Variants in SAMD3 observed in about 807,000 individuals in gnomAD.
The protein encoded by SAMD3 is sterile alpha motif domain containing 3, also known as sterile alpha motif domain-containing protein 3.
In SAMD3, 63 loss-of-function variants were observed where a neutral mutation model predicts 58.5. The observed-to-expected ratio is 1.08, with a 90% CI of 0.88 to 1.33. The LOEUF is 1.33. SAMD3 is among the 40% of genes most tolerant of loss of function. The pLI is 0.00. For synonymous variants in SAMD3, 220 were observed against 210.3 expected (o/e 1.05, Z -0.40); for missense variants, 604 against 608.4 (o/e 0.99, Z 0.08).
intron 2 of SAMD3, among the ~76,000 whole-genome samples, chr6:130,228,485 T>A (rs771733521): frequency 6.6e-6 from 1 of 152,150 alleles, no homozygotes; most frequent in Admixed American, 6.5e-5. Flanking sequence ...TGCAAGTTAA[T>A]CTCCAGGGGA....
chr6:130,272,746 G>T (rs1228222827), intron 2 of SAMD3, among the ~76,000 whole-genome samples: 1 of 152,100 alleles, frequency 6.6e-6, no homozygotes, highest in East Asian at 1.9e-4. Context: ...GTCTTGCTAT[G>T]TTGCCCAGGC....
intron 5 of SAMD3, among the ~76,000 whole-genome samples, chr6:130,198,250 C>T (rs1394640120): frequency 6.6e-6 from 1 of 152,166 alleles, no homozygotes; most frequent in African/African-American, 2.4e-5. Flanking sequence ...GTTATCCAGG[C>T]AGGAGTGAAG....
chr6:130,343,913 C>T (rs533465059), intron 1 of SAMD3, among the ~76,000 whole-genome samples: 26 of 151,904 alleles, frequency 1.7e-4, no homozygotes, highest in African/African-American at 4.6e-4. Context: ...TACAGTGAAC[C>T]GAGGTCGCAC....
chr6:130,256,085 T>C (rs769218644), intron 2 of SAMD3, among the ~76,000 whole-genome samples: 1 of 150,566 alleles, frequency 6.6e-6, no homozygotes, highest in African/African-American at 2.5e-5. Flanking sequence ...ATTTTTGTTT[T>C]GTTTATCTAG....
intron 2 of SAMD3, among the ~76,000 whole-genome samples, chr6:130,307,347 C>T (rs1775942669): frequency 6.6e-6 from 1 of 152,170 alleles, no homozygotes. Flanking sequence ...TTTTATTTTG[C>T]ATGGGTCTCT....
chr6:130,214,159 C>T (rs573247363), intron 4 of SAMD3, among the ~76,000 whole-genome samples, 178 bp downstream of exon 4: 4 of 152,192 alleles, frequency 2.6e-5, no homozygotes, highest in Admixed American at 6.5e-5. Context: ...TGAATAAAAA[C>T]GTTTCTTGAT....
At chr6:130,313,400 T>C (rs1432976753) in intron 1 of SAMD3, among the ~76,000 whole-genome samples, 1 of 152,160 alleles carries the variant, frequency 6.6e-6, no homozygotes, top group Non-Finnish European at 1.5e-5. Flanking sequence ...GAAACAAACA[T>C]GTTTTGAGAC....
At chr6:130,168,092 T>G (rs1322957990) in intron 8 of SAMD3, among the ~76,000 whole-genome samples, 2 of 152,078 alleles carry the variant, frequency 1.3e-5, no homozygotes, top group Non-Finnish European at 2.9e-5. Flanking sequence ...CCTGCAGAAG[T>G]TCTGCAGCTG....
At chr6:130,341,428 T>C (rs1033644458) in intron 1 of SAMD3, among the ~76,000 whole-genome samples, 19 of 152,232 alleles carry the variant, frequency 1.2e-4, no homozygotes, top group African/African-American at 4.1e-4. Flanking sequence ...AGCAGATTCG[T>C]TGAGTAAGAA....
At chr6:130,283,178 G>C (rs539628314) in intron 2 of SAMD3, among the ~76,000 whole-genome samples, 13 of 152,290 alleles carry the variant, frequency 8.5e-5, no homozygotes, top group African/African-American at 2.9e-4. Flanking sequence ...TGCAAACAGA[G>C]TTGGAATGAA....
intron 1 of SAMD3, among the ~76,000 whole-genome samples, chr6:130,347,782 C>T (rs1431836762): frequency 6.6e-6 from 1 of 152,110 alleles, no homozygotes; most frequent in Non-Finnish European, 1.5e-5. Context: ...TTGTCAGATT[C>T]ACCAAAGTTG....
intron 7 of SAMD3, among the ~76,000 whole-genome samples, chr6:130,181,250 A>G (rs539187011): frequency 1.3e-5 from 2 of 152,206 alleles, no homozygotes; most frequent in East Asian, 1.9e-4. Flanking sequence ...CCCGGCCCCA[A>G]ATTTTTCAAA....
At chr6:130,294,039 G>A (rs1775473426) in intron 2 of SAMD3, among the ~76,000 whole-genome samples, 1 of 152,178 alleles carries the variant, frequency 6.6e-6, no homozygotes, top group Non-Finnish European at 1.5e-5. Flanking sequence ...CCTCTCCTCT[G>A]TAAAGGACAG....
chr6:130,348,334 T>A (rs1275208234), intron 1 of SAMD3, among the ~76,000 whole-genome samples: 2 of 152,054 alleles, frequency 1.3e-5, no homozygotes, highest in Non-Finnish European at 2.9e-5. Flanking sequence ...AGGAAACCCA[T>A]CTTATGTGCA....
At chr6:130,333,345 T>C (rs2115015082) in intron 1 of SAMD3, among the ~76,000 whole-genome samples, 1 of 152,322 alleles carries the variant, frequency 6.6e-6, no homozygotes. Flanking sequence ...TTTAGACTTT[T>C]GACTTTGACC....
intron 4 of SAMD3, among the ~76,000 whole-genome samples, chr6:130,210,597 CAA>C (rs768346534): frequency 7.6e-4 from 86 of 113,804 alleles, no homozygotes; most frequent in East Asian, 7.6e-4. Flanking sequence ...GAAACTCCAT[CAA>C]AAAAAAAAAA....
At chr6:130,328,822 A>G (rs1347155265) in intron 1 of SAMD3, among the ~76,000 whole-genome samples, 1 of 152,230 alleles carries the variant, frequency 6.6e-6, no homozygotes, top group East Asian at 1.9e-4. Context: ...TGGATAAAAT[A>G]TAGAAAATCA....
chr6:130,288,411 T>C (rs1237803916), intron 2 of SAMD3, among the ~76,000 whole-genome samples: 2 of 152,056 alleles, frequency 1.3e-5, no homozygotes, highest in Non-Finnish European at 2.9e-5. Flanking sequence ...TTACGGAGAG[T>C]AATTTGTTTA....
chr6:130,192,173 G>C (rs895661403), intron 5 of SAMD3, among the ~76,000 whole-genome samples: 2 of 152,198 alleles, frequency 1.3e-5, no homozygotes, highest in Admixed American at 6.5e-5. Context: ...GAATGAAATA[G>C]TTTGTGACAA....
Sources: allele counts gnomAD v4.1 joint callset (sites outside exome capture counted in the v4.1 genomes callset), GRCh38; gene constraint gnomAD v4.1.1; transcripts MANE v1.5; gene names NCBI Gene and HGNC (gene_info 2026-07-23, HGNC 2026-07-21).